The following PTPRN2 variants were observed in gnomAD, a reference collection of about 807,000 sequenced individuals.
The protein encoded by PTPRN2 is protein tyrosine phosphatase receptor type N2, also known as receptor-type tyrosine-protein phosphatase N2.
Under a neutral mutation model 118.8 loss-of-function variants are expected in PTPRN2, and 74 were observed. The observed-to-expected ratio is 0.62, with a 90% CI of 0.52 to 0.76. The LOEUF (loss-of-function observed/expected upper bound fraction) is 0.76, where lower values mean the gene tolerates loss of function less well. Ranked by LOEUF, PTPRN2 falls within the 30% of genes least tolerant of loss-of-function variation. PTPRN2 has a pLI of 0.00. For synonymous variants in PTPRN2, 641 were observed against 608.0 expected (o/e 1.05, Z -0.80); for missense variants, 1,481 against 1,394.4 (o/e 1.06, Z -0.99).
chr7:157,575,353 A>C (rs190476886), intron 19 of PTPRN2, among the ~76,000 whole-genome samples: 60 of 152,314 alleles, frequency 3.9e-4, no homozygotes, highest in African/African-American at 1.4e-3. Flanking sequence ...GTGGGTGAGG[A>C]AGGAGCCGTG....
chr7:158,512,283 A>G (rs1460902269), intron 1 of PTPRN2, among the ~76,000 whole-genome samples: 1 of 152,180 alleles, frequency 6.6e-6, no homozygotes, highest in Non-Finnish European at 1.5e-5. Flanking sequence ...CCAGCTAGCA[A>G]TTCTGACTCT....
At chr7:158,236,648 G>C (rs10245306) in intron 3 of PTPRN2, among the ~76,000 whole-genome samples, 100,184 of 152,024 alleles carry the variant, frequency 0.66, 33,510 homozygotes, top group Admixed American at 0.74. Flanking sequence ...AGGGCCAGTG[G>C]AACCTGTCCC....
chr7:158,408,311 T>G (rs572179928), intron 2 of PTPRN2, among the ~76,000 whole-genome samples: 2 of 152,366 alleles, frequency 1.3e-5, no homozygotes, highest in African/African-American at 4.8e-5. Flanking sequence ...TTTTTCAATT[T>G]AATAAGCCAA....
chr7:158,193,060 G>T (rs1472150758), intron 4 of PTPRN2, among the ~76,000 whole-genome samples: 1 of 152,252 alleles, frequency 6.6e-6, no homozygotes, highest in Non-Finnish European at 1.5e-5. Flanking sequence ...CCCCTCCGCT[G>T]CAGTCCCTGC....
chr7:158,189,016 C>G (rs983407605), intron 5 of PTPRN2, among the ~76,000 whole-genome samples: 6 of 152,182 alleles, frequency 3.9e-5, no homozygotes, highest in Non-Finnish European at 8.8e-5. Flanking sequence ...CATCCTGTCT[C>G]TGGCAGGAAC....
At chr7:158,041,223 C>T (rs1481137930) in intron 11 of PTPRN2, among the ~76,000 whole-genome samples, 4 of 152,182 alleles carry the variant, frequency 2.6e-5, no homozygotes, top group Admixed American at 2.0e-4. Context: ...AGCCAGGGTA[C>T]TTGGAAGAGA....
intron 2 of PTPRN2, among the ~76,000 whole-genome samples, chr7:158,472,898 C>T (rs888185755): frequency 6.6e-6 from 1 of 152,086 alleles, no homozygotes; most frequent in Non-Finnish European, 1.5e-5. Context: ...CACTAGAGAA[C>T]CCGGCTGCAA....
Position 157,550,373 on chromosome 7 carries a change from C to T in PTPRN2, c.2903-1354G>A, listed in dbSNP as rs1033169056. ...AGCTAGGAGGGAACGGCAGGGGTGG[C>T]GGGGAGGCCTGGGGAGGACACACGT... On this transcript the variant is annotated intron_variant, in intron 21 of 22. Transcript: ENST00000389418. The surrounding 1 kb of genome is among the most constrained non-coding windows in gnomAD (Gnocchi z 5.2). Among the ~76,000 whole-genome samples the T allele has an allele frequency of 2.0e-5, 3 of 152,100 alleles. No homozygotes were observed. Among genetic ancestry groups the T allele is most frequent in the Admixed American group, 6.5e-5 (1 of 15,278 alleles).
intron 21 of PTPRN2, among the ~76,000 whole-genome samples, chr7:157,554,010 A>G (rs1798766164): frequency 8.0e-6 from 1 of 125,398 alleles, no homozygotes. Flanking sequence ...CCTCCTGGGC[A>G]TGGGTGCGGC....
At chr7:158,097,676 G>A (rs1814747569) in intron 10 of PTPRN2, among the ~76,000 whole-genome samples, 2 of 152,154 alleles carry the variant, frequency 1.3e-5, no homozygotes, top group South Asian at 2.1e-4. Context: ...GATCACCGCC[G>A]CCGCAGACAG....
In PTPRN2 at chr7:157,550,309, C is replaced by A. The variant is rs919874607; in HGVS notation, c.2903-1290G>T. 6.6e-6 allele frequency among the ~76,000 whole-genome samples: 1 copy of A among 152,220 alleles called. No homozygotes were observed. Among genetic ancestry groups the A allele is most frequent in the African/African-American group, 2.4e-5 (1 of 41,460 alleles). On this transcript the variant is annotated intron_variant, in intron 21 of 22. Coordinates refer to ENST00000389418, the MANE Select transcript of PTPRN2 (RefSeq NM_002847.5). The surrounding 1 kb of genome is among the most constrained non-coding windows in gnomAD (Gnocchi z 5.2). ...CCTGCGAAGCACCTCCAAGTCACAGCAGGTGCCTGCGAAGCACCTCCAAGT... is the reference window on the plus strand; with the variant it reads ...CCTGCGAAGCACCTCCAAGTCACAGAAGGTGCCTGCGAAGCACCTCCAAGT...
intron 12 of PTPRN2, among the ~76,000 whole-genome samples, chr7:157,723,204 GGCCCTGACGGACTGTCCCCTT>G (rs1489585624): frequency 2.6e-5 from 4 of 152,170 alleles, no homozygotes; most frequent in African/African-American, 9.7e-5. Flanking sequence ...TAGAATGTGG[GGCCCTGACGGACTGTCCCCTT>G]GCCCTGACGC....
At chr7:157,921,584 A>G (rs951585977) in intron 11 of PTPRN2, among the ~76,000 whole-genome samples, 4 of 152,204 alleles carry the variant, frequency 2.6e-5, no homozygotes, top group Admixed American at 1.3e-4. Context: ...CAGGAGTGTG[A>G]TAATTCTTGT....
rs760409679 is a variant in PTPRN2, at chr7:157,639,043, C to CT, written c.2196+17313dup. On this transcript the variant is annotated intron_variant, in intron 14 of 22. Coordinates refer to ENST00000389418, the MANE Select transcript of PTPRN2 (RefSeq NM_002847.5). ...GATGTCTTTCTTTCCTTCTTTCTTT[C>CT]TTTTTTTTTTTTTGACAGAGTCTTG... Among the ~76,000 whole-genome samples the CT allele has an allele frequency of 5.0e-3, 735 of 145,778 alleles. 1 individual carries two copies. The highest frequency in any genetic ancestry group is 0.013 in the African/African-American group (522 of 39,990).
At chr7:157,853,098 G>A (rs185000059) in intron 12 of PTPRN2, among the ~76,000 whole-genome samples, 1 of 152,102 alleles carries the variant, frequency 6.6e-6, no homozygotes, top group African/African-American at 2.4e-5. Flanking sequence ...GCAGTGGATG[G>A]GTATTTGGGT....
chr7:158,215,300 A>G (rs940155512), intron 3 of PTPRN2, among the ~76,000 whole-genome samples: 6 of 152,366 alleles, frequency 3.9e-5, no homozygotes, highest in African/African-American at 1.4e-4. Context: ...ATAAAACAGT[A>G]GGAATTACTC....
At chr7:158,073,578 A>G (rs1812107892) in intron 11 of PTPRN2, among the ~76,000 whole-genome samples, 1 of 152,208 alleles carries the variant, frequency 6.6e-6, no homozygotes, top group Non-Finnish European at 1.5e-5. Context: ...TTCTATGCGG[A>G]GATGAAGCCG....
intron 22 of PTPRN2, among the ~76,000 whole-genome samples, chr7:157,544,242 G>A (rs1219771522): frequency 6.6e-6 from 1 of 152,206 alleles, no homozygotes; most frequent in Non-Finnish European, 1.5e-5. Flanking sequence ...CTTGGGAGAA[G>A]TGGGCTGCGG....
At chr7:158,587,187 C>A (rs1409820953) in intron 1 of PTPRN2, among the ~76,000 whole-genome samples, 1 of 132,926 alleles carries the variant, frequency 7.5e-6, no homozygotes, top group Non-Finnish European at 1.6e-5. Context: ...TCCCCTAAAC[C>A]CCCCACTCAT....
Sources: allele counts gnomAD v4.1 joint callset (sites outside exome capture counted in the v4.1 genomes callset), GRCh38; gene constraint gnomAD v4.1.1; non-coding constraint Gnocchi (gnomAD v3.1); transcripts MANE v1.5; gene names NCBI Gene and HGNC (gene_info 2026-07-23, HGNC 2026-07-21).